DYRK4: variants seen among roughly 807,000 people sequenced by gnomAD.
DYRK4 encodes dual specificity tyrosine-phosphorylation-regulated kinase 4.
A neutral mutation model predicts 68.3 loss-of-function variants in DYRK4; 64 were observed. The observed-to-expected ratio is 0.94, with a 90% CI of 0.77 to 1.15. DYRK4 has a LOEUF of 1.15. DYRK4 is among the 50% of genes most tolerant of loss of function. The probability of loss-of-function intolerance (pLI) is 0.00; values close to 1 mark genes in which losing one functional copy is unlikely to be tolerated. For missense variants in DYRK4, 740 were observed against 764.7 expected, an observed-to-expected ratio of 0.97 and a Z score of 0.38; for synonymous variants, 274 against 289.9, an observed-to-expected ratio of 0.95 and a Z score of 0.56.
intron 10 of DYRK4, among the ~76,000 whole-genome samples, chr12:4,600,461 A>T (rs908902840): frequency 6.6e-6 from 1 of 151,220 alleles, no homozygotes; most frequent in African/African-American, 2.4e-5. Flanking sequence ...GAATACAATG[A>T]TTAGAGATAT....
At chr12:4,575,147 G>A (rs4766256) in intron 2 of DYRK4, among the ~76,000 whole-genome samples, 80,252 of 152,142 alleles carry the variant, frequency 0.53, 21,671 homozygotes, top group African/African-American at 0.61. Flanking sequence ...GTGAATGCTT[G>A]ACGTTACCAG....
At position 4,609,438 on chromosome 12, in the gene DYRK4, C is replaced by A. The variant is rs1330991165; in HGVS notation, c.1361-717C>A. 2.6e-5 allele frequency among the ~76,000 whole-genome samples: 4 copies of A among 152,328 alleles called. No individual in the cohort carries two copies. In the East Asian group the frequency reaches 7.7e-4, roughly 29 times the overall value. On this transcript the variant is annotated intron_variant, in intron 12 of 14. Transcript: ENST00000543431. ...GTTTGGGAAACACGGTTGTCCACTTCAGTTCTTGACTGTTCCTTTCCCAGG... is the reference window on the plus strand; with the variant it reads ...GTTTGGGAAACACGGTTGTCCACTTAAGTTCTTGACTGTTCCTTTCCCAGG...
intron 2 of DYRK4, among the ~76,000 whole-genome samples, chr12:4,581,377 C>G (rs190845816): frequency 2.5e-4 from 38 of 152,302 alleles, no homozygotes; most frequent in Admixed American, 2.6e-4. Flanking sequence ...TCTTTCCTAC[C>G]ATGAACCATC....
chr12:4,567,086 T>C (rs10849093), intron 1 of DYRK4, among the ~76,000 whole-genome samples: 48,843 of 152,176 alleles, frequency 0.32, 9,904 homozygotes, highest in Middle Eastern at 0.46. Context: ...CTTCCCATTA[T>C]GGACAAGTTC....
intron 2 of DYRK4, among the ~76,000 whole-genome samples, chr12:4,585,401 T>C (rs530619964): frequency 3.8e-4 from 58 of 152,360 alleles, no homozygotes; most frequent in African/African-American, 1.3e-3. Context: ...TTTATAGTTA[T>C]CTGCTGTAAT....
chr12:4,569,591 G>A (rs895917241), intron 2 of DYRK4, among the ~76,000 whole-genome samples: 8 of 152,068 alleles, frequency 5.3e-5, no homozygotes, highest in African/African-American at 1.7e-4. Flanking sequence ...AGTGGAGGAC[G>A]GAATTCAAAC....
Position 4,591,347 on chromosome 12 carries a change from G to C in DYRK4, c.463+49G>C. 6.2e-7 allele frequency: 1 copy of C among 1,601,028 alleles called. No homozygotes were observed. The highest frequency in any genetic ancestry group is 1.3e-5 in the African/African-American group (1 of 74,654). Reference sequence around the variant, plus strand: ...GGTGGGGAGGTGCTTATGGAAGGTCGGGGTGTTAAGAGCTAAGCTGCGCTG... The same window carrying C: ...GGTGGGGAGGTGCTTATGGAAGGTCCGGGTGTTAAGAGCTAAGCTGCGCTG... On this transcript the variant is annotated intron_variant, in intron 5 of 14. Coordinates refer to ENST00000543431, the MANE Select transcript of DYRK4 (RefSeq NM_001394779.1). This position sits in a 1 kb window ranked among gnomAD's most constrained non-coding sequence, Gnocchi z 4.1.
At chr12:4,598,572 G>A (rs1945044549) in intron 8 of DYRK4, among the ~76,000 whole-genome samples, 1 of 152,168 alleles carries the variant, frequency 6.6e-6, no homozygotes, top group Non-Finnish European at 1.5e-5. Flanking sequence ...GGTGGAGCAG[G>A]GGCTCCCTTT....
intron 2 of DYRK4, among the ~76,000 whole-genome samples, chr12:4,569,927 G>A (rs1158899870): frequency 1.3e-5 from 2 of 151,850 alleles, no homozygotes; most frequent in South Asian, 2.1e-4. Flanking sequence ...TAAGTCCGGG[G>A]CATGAGGATT....
intron 10 of DYRK4, 52 bp downstream of exon 10, chr12:4,599,840 C>T (rs1001462194): frequency 8.7e-6 from 13 of 1,493,870 alleles, no homozygotes; most frequent in Middle Eastern, 3.4e-4. Context: ...CAATTTCTCT[C>T]CCTTCACATA....
In DYRK4 at chr12:4,613,540, G is replaced by A; in HGVS notation, c.1692G>A (p.Glu564=). 1 of 1,613,656 alleles carries A rather than the reference G, an allele frequency of 6.2e-7. No individual in the cohort carries two copies. The highest frequency in any genetic ancestry group is 8.5e-7 in the Non-Finnish European group (1 of 1,179,648). ...RKDEITKETT[E]KTKDSPTKHV... ...ATGAGATCACCAAAGAGACTACAGA[G>A]AAAACAAAAGATAGCCCCACGAAGC... The change falls in exon 15 of 15, where the codon GAG becomes GAA. Residue 564 remains glutamate, a synonymous_variant. Coordinates refer to ENST00000543431, the MANE Select transcript of DYRK4 (RefSeq NM_001394779.1). This position sits in a 1 kb window ranked among gnomAD's most constrained non-coding sequence, Gnocchi z 4.0.
At position 4,562,208 on chromosome 12, in the gene DYRK4, A is replaced by T. The variant is rs767452748; in HGVS notation, c.-38A>T. ...GTCCCTTGCCCTCTGCCGGGCTCTCACAGCCTCCCGCAGCGGCGGGCGGTC... is the reference window on the plus strand; with the variant it reads ...GTCCCTTGCCCTCTGCCGGGCTCTCTCAGCCTCCCGCAGCGGCGGGCGGTC... On this transcript the variant is annotated 5_prime_UTR_variant, in exon 1 of 15. Coordinates refer to ENST00000543431, the MANE Select transcript of DYRK4 (RefSeq NM_001394779.1). 2.3e-5 allele frequency: 35 copies of T among 1,522,408 alleles called. No homozygotes were observed. The highest frequency in any genetic ancestry group is 3.0e-5 in the Non-Finnish European group (34 of 1,140,576). The allele number at this position is 1,522,408 out of a possible 1,614,324, so 94.3% of individuals were successfully genotyped here.
In DYRK4 at chr12:4,569,635, T is replaced by A. The variant is rs952857677; in HGVS notation, c.132+1587T>A. Among the ~76,000 whole-genome samples, 34 of 151,984 alleles carry A rather than the reference T, an allele frequency of 2.2e-4. 1 individual carries two copies. Among genetic ancestry groups the A allele is most frequent in the Admixed American group, 1.3e-4 (2 of 15,270 alleles). On this transcript the variant is annotated intron_variant, in intron 2 of 14. Coordinates refer to ENST00000543431, the MANE Select transcript of DYRK4 (RefSeq NM_001394779.1). ...TTTTTCAATTGTTATTTAAAAAAAA[T>A]TTGAAAGTAGAGACAGGGTCTCGCT...
At chr12:4,583,387 G>C (rs1833989945) in intron 2 of DYRK4, among the ~76,000 whole-genome samples, 1 of 151,820 alleles carries the variant, frequency 6.6e-6, no homozygotes, top group Non-Finnish European at 1.5e-5. Flanking sequence ...CCCAGTCCAC[G>C]TCCCCATCGT....
intron 2 of DYRK4, among the ~76,000 whole-genome samples, chr12:4,578,070 G>A (rs1224502836): frequency 6.6e-6 from 1 of 152,076 alleles, no homozygotes; most frequent in East Asian, 1.9e-4. Context: ...TTAAAAGCAG[G>A]TAAATTTATG....
rs1944693254 is a variant in DYRK4, at chr12:4,567,895, T to C, written c.39-60T>C. The C allele has an allele frequency of 2.2e-6, 3 of 1,373,450 alleles. No homozygotes were observed. The Admixed American group carries it at 5.9e-5, about 27-fold the overall frequency. The allele number at this position is 1,373,450 out of a possible 1,614,324, so 85.1% of individuals were successfully genotyped here. On this transcript the variant is annotated intron_variant, in intron 1 of 14. Coordinates refer to ENST00000543431, the MANE Select transcript of DYRK4 (RefSeq NM_001394779.1). ...CTGCTTTCTTCTGTCCCTGAGTGTG[T>C]GGGCCATTACTTAGATTTGACTCCT...
chr12:4,570,412 A>G (rs546310142), intron 2 of DYRK4, among the ~76,000 whole-genome samples: 7 of 152,236 alleles, frequency 4.6e-5, no homozygotes, highest in Non-Finnish European at 1.0e-4. Context: ...TGTCTTTTCA[A>G]CGTCGATTGG....
chr12:4,590,037 C>G, intron 3 of DYRK4: 1 of 781,510 alleles, frequency 1.3e-6, no homozygotes, highest in African/African-American at 1.8e-5. Context: ...ATTTTTGTTC[C>G]CATGGTAGTG....
chr12:4,588,799 C>G, intron 2 of DYRK4, 138 bp from the exon 3 acceptor site: 1 of 689,348 alleles, frequency 1.5e-6, no homozygotes, highest in East Asian at 2.7e-5. Flanking sequence ...CTTATTGGAG[C>G]CTCTCTTGGC....
Sources: gnomAD v4.1 joint callset for allele counts (sites outside exome capture counted in the v4.1 genomes callset) on GRCh38, gnomAD v4.1.1 for gene constraint, Gnocchi (gnomAD v3.1) non-coding constraint, MANE v1.5 for transcripts, NCBI Gene and HGNC (gene_info 2026-07-23, HGNC 2026-07-21) for gene names.